Variants in GPC3 observed in about 807,000 individuals in gnomAD.
The protein encoded by GPC3 is glypican-3.
In GPC3, 3 loss-of-function variants were observed where a neutral mutation model predicts 34.4. The ratio of observed to expected loss-of-function variants is 0.09; its 90% CI spans 0.04 to 0.23. The LOEUF (loss-of-function observed/expected upper bound fraction) is 0.23. GPC3 is among the 10% of genes least tolerant of loss of function. GPC3 has a pLI of 1.00. For missense variants in GPC3, 351 were observed against 445.6 expected (o/e 0.79, Z 1.91); for synonymous variants, 177 against 174.0 (o/e 1.02, Z -0.13).
intron 2 of GPC3, among the ~76,000 whole-genome samples, chrX:133,903,666 A>T (rs1421156662): frequency 1.8e-5 from 2 of 112,437 alleles, no homozygotes; most frequent in African/African-American, 6.5e-5. Context: ...CTTTGACTGA[A>T]CAGAGACTTG....
chrX:133,887,422 T>C (rs1435026154), intron 2 of GPC3, among the ~76,000 whole-genome samples: 1 of 112,443 alleles, frequency 8.9e-6, no homozygotes, highest in Non-Finnish European at 1.9e-5. Context: ...TAATGATTAG[T>C]GATGTTGAGC....
chrX:133,660,663 A>G (rs1439581895), intron 6 of GPC3, among the ~76,000 whole-genome samples: 1 of 111,861 alleles, frequency 8.9e-6, no homozygotes, highest in Non-Finnish European at 1.9e-5. Context: ...ATTTGGACAC[A>G]TGCATTTTAA....
chrX:133,566,686 A>G (rs936955462), intron 7 of GPC3, among the ~76,000 whole-genome samples: 1 of 111,233 alleles, frequency 9.0e-6, no homozygotes, highest in Admixed American at 9.6e-5. Context: ...TGAATTGGGG[A>G]AGGTGAGCAG....
At chrX:133,768,664 C>T (rs893288700) in intron 2 of GPC3, among the ~76,000 whole-genome samples, 2 of 111,880 alleles carry the variant, frequency 1.8e-5, no homozygotes, top group Non-Finnish European at 3.8e-5. Context: ...TACAGCTGGG[C>T]GCAGTGGCTC....
intron 2 of GPC3, among the ~76,000 whole-genome samples, chrX:133,892,252 G>A (rs902618115): frequency 2.7e-5 from 3 of 111,615 alleles, no homozygotes; most frequent in Non-Finnish European, 5.6e-5. Flanking sequence ...CTGGAGCAGA[G>A]CTTTCAAAAA....
chrX:133,841,215 A>ATTTTTTTTTTTTTTTTT (rs769696321), intron 2 of GPC3, among the ~76,000 whole-genome samples: 4,511 of 39,076 alleles, frequency 0.12, 1,466 homozygotes, highest in Non-Finnish European at 0.19. Flanking sequence ...TAATCTTTTA[A>ATTTTTTTTTTTTTTTTT]TTTTTTTTTT....
chrX:133,935,699 G>A (rs999197237), intron 2 of GPC3, among the ~76,000 whole-genome samples: 10 of 110,841 alleles, frequency 9.0e-5, no homozygotes, highest in Non-Finnish European at 1.7e-4. Context: ...TTTTCATGAC[G>A]TCTAGAGGAT....
At chrX:133,779,742 TA>T (rs202015839) in intron 2 of GPC3, among the ~76,000 whole-genome samples, 8 of 106,023 alleles carry the variant, frequency 7.5e-5, no homozygotes, top group South Asian at 8.2e-4. Context: ...TCACTGAAAT[TA>T]AAAAAAAAAC....
At chrX:133,791,645 C>G (rs1460328476) in intron 2 of GPC3, among the ~76,000 whole-genome samples, 2 of 110,588 alleles carry the variant, frequency 1.8e-5, no homozygotes, top group Non-Finnish European at 3.8e-5. Context: ...ATGTCTCTCC[C>G]CTTTTCCTGA....
chrX:133,664,827 A>AG (rs1232388328), intron 5 of GPC3, among the ~76,000 whole-genome samples: 2 of 109,830 alleles, frequency 1.8e-5, no homozygotes, highest in African/African-American at 6.6e-5. Flanking sequence ...AAAAAAAAAA[A>AG]TAGCCGGGCG....
intron 3 of GPC3, among the ~76,000 whole-genome samples, chrX:133,732,210 AC>A (rs1439159404): frequency 3.6e-5 from 4 of 111,553 alleles, no homozygotes; most frequent in African/African-American, 9.8e-5. Context: ...GAGATCAGGG[AC>A]CCAATCACAA....
intron 6 of GPC3, among the ~76,000 whole-genome samples, chrX:133,661,379 G>A (rs2070714244): frequency 1.8e-5 from 2 of 111,149 alleles, no homozygotes; most frequent in African/African-American, 3.3e-5. Context: ...GTGGGATTGT[G>A]AGAAATATTT....
intron 3 of GPC3, among the ~76,000 whole-genome samples, chrX:133,713,325 A>T (rs905103460): frequency 8.9e-6 from 1 of 112,441 alleles, no homozygotes. Flanking sequence ...GCACTTTATC[A>T]TAAGTCAGGG....
At chrX:133,622,525 G>A (rs922188386) in intron 6 of GPC3, among the ~76,000 whole-genome samples, 2 of 112,205 alleles carry the variant, frequency 1.8e-5, no homozygotes, top group Non-Finnish European at 3.8e-5. Context: ...CGTGATGCAT[G>A]CACAAGCTTT....
intron 1 of GPC3, among the ~76,000 whole-genome samples, chrX:133,978,182 C>T (rs2076524427): frequency 8.9e-6 from 1 of 112,390 alleles, no homozygotes; most frequent in African/African-American, 3.2e-5. Context: ...ATCCCCCTGC[C>T]TCGGCCTACC....
chrX:133,700,168 A>G, intron 3 of GPC3, 140 bp from the exon 4 acceptor site: 1 of 493,104 alleles, frequency 2.0e-6, no homozygotes, highest in East Asian at 3.7e-5. Context: ...AAAGGTGATA[A>G]GCTTGTAAGA....
At chrX:133,758,663 A>G (rs1158868295) in intron 2 of GPC3, among the ~76,000 whole-genome samples, 9 of 111,145 alleles carry the variant, frequency 8.1e-5, no homozygotes. Flanking sequence ...TACCTATATA[A>G]CAAACCTACA....
chrX:133,560,257 G>C (rs2069530042), intron 7 of GPC3, among the ~76,000 whole-genome samples: 1 of 111,672 alleles, frequency 9.0e-6, no homozygotes, highest in Admixed American at 9.5e-5. Context: ...CAGCTTGTGA[G>C]GCTCTGAAGA....
chrX:133,751,683 G>T (rs756000563), intron 3 of GPC3, among the ~76,000 whole-genome samples: 1 of 111,760 alleles, frequency 8.9e-6, no homozygotes, highest in African/African-American at 3.3e-5. Context: ...ATAAGCAATA[G>T]TTCAGAGTGC....
Sources: allele counts gnomAD v4.1 joint callset (sites outside exome capture counted in the v4.1 genomes callset), GRCh38; gene constraint gnomAD v4.1.1; transcripts MANE v1.5; gene names NCBI Gene and HGNC (gene_info 2026-07-23, HGNC 2026-07-21).